DMKN: variants seen among roughly 807,000 people sequenced by gnomAD.
The protein encoded by DMKN is dermokine, also known as epidermis-specific secreted protein SK30/SK89.
Under a neutral mutation model 67.6 loss-of-function variants are expected in DMKN, and 58 were observed. The observed-to-expected ratio is 0.86, with a 90% CI of 0.69 to 1.07. The LOEUF is 1.07. DMKN is among the 50% of genes least tolerant of loss of function. The probability of loss-of-function intolerance (pLI) is 0.00; values close to 1 mark genes in which losing one functional copy is unlikely to be tolerated. For missense variants in DMKN, 596 were observed against 601.5 expected, an observed-to-expected ratio of 0.99 and a Z score of 0.10; for synonymous variants, 240 against 232.3, an observed-to-expected ratio of 1.03 and a Z score of -0.30.
intron 1 of DMKN, 37 bp downstream of exon 1, chr19:35,513,013 G>T (rs1168142031): frequency 1.9e-6 from 3 of 1,607,478 alleles, no homozygotes; most frequent in Non-Finnish European, 2.5e-6. Flanking sequence ...GCAGCCCACA[G>T]CCTCCCATTT....
intron 13 of DMKN, among the ~76,000 whole-genome samples, chr19:35,499,689 G>A (rs538347146): frequency 6.6e-6 from 1 of 152,210 alleles, no homozygotes; most frequent in South Asian, 2.1e-4. Context: ...GAGGGTGTTG[G>A]TTCTCAGTTT....
rs186883668 is a variant in DMKN, at chr19:35,509,985, C to A, written c.988-24G>T. ...CACTGCCGGGGAGAGAAAGGGGAGA[C>A]TTTCCCTCAGTCCCCTCCCAGACCA... On this transcript the variant is annotated intron_variant, in intron 6 of 15. Transcript: ENST00000339686. 29 of 1,613,988 alleles carry A rather than the reference C, an allele frequency of 1.8e-5. No individual in the cohort carries two copies. The Admixed American group carries it at 3.5e-4, about 19-fold the overall frequency.
At chr19:35,504,196 T>C (rs561052969) in intron 9 of DMKN, among the ~76,000 whole-genome samples, 2 of 152,196 alleles carry the variant, frequency 1.3e-5, no homozygotes, top group Admixed American at 6.5e-5. Flanking sequence ...CTCTGGGAAG[T>C]GTCTGTATGT....
chr19:35,511,338 T>C, intron 5 of DMKN, 73 bp downstream of exon 5: 2 of 1,593,378 alleles, frequency 1.3e-6, no homozygotes, highest in Non-Finnish European at 1.7e-6. Flanking sequence ...TCAGAGAAAC[T>C]TGGAGCCCTC....
chr19:35,501,874 A>C, intron 11 of DMKN: 1 of 1,585,832 alleles, frequency 6.3e-7, no homozygotes, highest in Non-Finnish European at 8.6e-7. Flanking sequence ...GCAGGAGCAG[A>C]GCAGAGGCAG....
intron 8 of DMKN, 47 bp downstream of exon 8, chr19:35,505,892 G>A (rs1398434408): frequency 1.2e-6 from 2 of 1,614,086 alleles, no homozygotes; most frequent in Non-Finnish European, 1.7e-6. Context: ...AAGGGCAGGG[G>A]TTGGTTTTCC....
chr19:35,503,262 T>G (rs2068740006), intron 9 of DMKN: 1 of 1,473,966 alleles, frequency 6.8e-7, no homozygotes, highest in African/African-American at 1.4e-5. Flanking sequence ...CACACCACCC[T>G]GGATAACAGC....
intron 9 of DMKN, among the ~76,000 whole-genome samples, chr19:35,504,212 G>A (rs150302795): frequency 1.9e-3 from 288 of 152,182 alleles, no homozygotes; most frequent in African/African-American, 6.0e-3. Context: ...TATGTGCCCC[G>A]GCTCTCCCAT....
rs764592170 is a variant in DMKN, at chr19:35,511,495, ACTG to A, written c.831_833del (p.Ser278del). On this transcript the variant is annotated inframe_deletion, in exon 5 of 16. Coordinates refer to ENST00000339686, the MANE Select transcript of DMKN (RefSeq NM_033317.5). ...CACTGCTGCCGCCACTGCTGCCGCCACTGCTGCTGCCACTGCTGCTGCCACCAC... is the reference window on the plus strand; with the variant it reads ...CACTGCTGCCGCCACTGCTGCCGCCACTGCTGCCACTGCTGCTGCCACCAC... The A allele has an allele frequency of 3.7e-6, 4 of 1,082,036 alleles. No individual in the cohort carries two copies. Among genetic ancestry groups the A allele is most frequent in the Non-Finnish European group, 4.8e-6 (4 of 833,268 alleles). 67.0% of individuals were successfully genotyped at this position (1,082,036 alleles called of 1,614,324 possible). A position where few individuals can be genotyped will look rare whatever the true frequency, so the allele number is the denominator to read the frequency against.
At chr19:35,510,568 C>A (rs899026359) in intron 5 of DMKN, 2 of 1,521,770 alleles carry the variant, frequency 1.3e-6, no homozygotes, top group Non-Finnish European at 1.8e-6. Context: ...CAGGGGGCAG[C>A]AAGTGGAAGG....
At chr19:35,499,172 C>A in intron 13 of DMKN, 2 of 509,152 alleles carry the variant, frequency 3.9e-6, no homozygotes, top group Non-Finnish European at 7.0e-6. Flanking sequence ...CTTTGGCCTG[C>A]CAGGTAGGGA....
chr19:35,498,638 C>A lies in DMKN; in HGVS notation c.*78G>T, dbSNP rs564520372. 5.0e-6 allele frequency: 8 copies of A among 1,591,218 alleles called. No homozygotes were observed. In the East Asian group the frequency reaches 1.6e-4, roughly 31 times the overall value. On this transcript the variant is annotated intron_variant, in intron 15 of 15. Coordinates refer to ENST00000339686, the MANE Select transcript of DMKN (RefSeq NM_033317.5). ...TGCCCACTGAGATCTGAGGATATAC[C>A]AAGATCCTGGCCCTGCCCCGGGTGA...
Position 35,511,465 on chromosome 19 carries a change from GCCA to G in DMKN, c.861_863del (p.Gly288del). On this transcript the variant is annotated inframe_deletion, in exon 5 of 16. Transcript: ENST00000339686. Reference sequence around the variant, plus strand: ...TGCTGCCACCACTGTTGCCACTGCTGCCACCACTGCTGCCGCCACTGCTGCCGC... The same window carrying G: ...TGCTGCCACCACTGTTGCCACTGCTGCCACTGCTGCCGCCACTGCTGCCGC... The G allele has an allele frequency of 5.4e-6, 6 of 1,117,138 alleles. No individual in the cohort carries two copies. In the African/African-American group the frequency reaches 8.9e-5, roughly 17 times the overall value. The allele number at this position is 1,117,138 out of a possible 1,614,324, so 69.2% of individuals were successfully genotyped here.
rs769452126 is a variant in DMKN, at chr19:35,500,242, C to T, written c.1288-213G>A. On this transcript the variant is annotated intron_variant, in intron 12 of 15. Transcript: ENST00000339686. ...TTACTGTCCTAGCCCAAATGGCCGCCGCCTCCTCCTCCTACTCCTCCTCCT... is the reference window on the plus strand; with the variant it reads ...TTACTGTCCTAGCCCAAATGGCCGCTGCCTCCTCCTCCTACTCCTCCTCCT... 4.2e-4 allele frequency: 558 copies of T among 1,329,624 alleles called. 1 individual carries two copies. Among genetic ancestry groups the T allele is most frequent in the Non-Finnish European group, 5.5e-4 (528 of 965,754 alleles). 82.4% of individuals were successfully genotyped at this position (1,329,624 alleles called of 1,614,324 possible).
intron 10 of DMKN, among the ~76,000 whole-genome samples, 200 bp downstream of exon 10, chr19:35,502,630 G>A (rs2068613129): frequency 6.6e-6 from 1 of 152,104 alleles, no homozygotes; most frequent in African/African-American, 2.4e-5. Context: ...CGTGAACCCA[G>A]GAGGCAGGAG....
chr19:35,501,880 G>T, intron 11 of DMKN: 1 of 1,582,946 alleles, frequency 6.3e-7, no homozygotes, highest in South Asian at 1.2e-5. Context: ...GCAGAGCAGA[G>T]GCAGTGGCCG....
At chr19:35,502,926 G>A in intron 9 of DMKN, 40 bp from the exon 10 acceptor site, 1 of 1,594,398 alleles carries the variant, frequency 6.3e-7, no homozygotes, top group Middle Eastern at 1.7e-4. Flanking sequence ...CAGAGAGCCT[G>A]GGCCCACTCA....
intron 7 of DMKN, among the ~76,000 whole-genome samples, chr19:35,508,801 T>G (rs951647409): frequency 1.3e-5 from 2 of 152,222 alleles, no homozygotes; most frequent in Non-Finnish European, 2.9e-5. Flanking sequence ...AAAGTGAAAT[T>G]GCAGGAGTAT....
chr19:35,509,794 G>C, intron 7 of DMKN, 117 bp downstream of exon 7: 1 of 1,227,908 alleles, frequency 8.1e-7, no homozygotes, highest in Non-Finnish European at 1.2e-6. Context: ...TGCCGAAATA[G>C]TCAGTTCCCT....
Sources: gnomAD v4.1 joint callset for allele counts (sites outside exome capture counted in the v4.1 genomes callset) on GRCh38, gnomAD v4.1.1 for gene constraint, MANE v1.5 for transcripts, NCBI Gene and HGNC (gene_info 2026-07-23, HGNC 2026-07-21) for gene names.